The following CREB5 variants were observed in gnomAD, a reference collection of about 807,000 sequenced individuals.
CREB5 encodes cAMP responsive element binding protein 5.
A neutral mutation model predicts 57.1 loss-of-function variants in CREB5; 19 were observed. That is an observed-to-expected ratio of 0.33 (90% CI 0.23 to 0.49). The LOEUF is 0.49. Among genes scored for constraint, CREB5 ranks in the 20% least tolerant of loss-of-function variants. The pLI is 0.99. For synonymous variants in CREB5, 238 were observed against 238.3 expected (o/e 1.00, Z 0.01); for missense variants, 579 against 671.6 (o/e 0.86, Z 1.52).
chr7:28,767,436 C>A (rs1267229609), intron 7 of CREB5, among the ~76,000 whole-genome samples: 3 of 152,144 alleles, frequency 2.0e-5, no homozygotes, highest in Admixed American at 6.5e-5. Context: ...TTTCAGGAAT[C>A]TTCCTATTAG....
intron 5 of CREB5, among the ~76,000 whole-genome samples, chr7:28,713,984 A>G (rs1802542970): frequency 1.3e-5 from 2 of 151,422 alleles, no homozygotes; most frequent in Admixed American, 1.3e-4. Flanking sequence ...TTTTTTGGAG[A>G]TAAGAGTCTC....
At chr7:28,564,030 A>C (rs370789223) in intron 4 of CREB5, among the ~76,000 whole-genome samples, 4 of 152,106 alleles carry the variant, frequency 2.6e-5, no homozygotes, top group Non-Finnish European at 4.4e-5. Context: ...GCTCTTTAAC[A>C]TCTTTTCTAT....
chr7:28,520,696 C>A (rs1793169302), intron 4 of CREB5, among the ~76,000 whole-genome samples: 1 of 152,222 alleles, frequency 6.6e-6, no homozygotes, highest in South Asian at 2.1e-4. Flanking sequence ...AGTTCTAAAT[C>A]TTGGCAGTCT....
At chr7:28,382,514 A>AT (rs1039098694) in intron 1 of CREB5, among the ~76,000 whole-genome samples, 8 of 152,098 alleles carry the variant, frequency 5.3e-5, no homozygotes, top group South Asian at 2.1e-4. Flanking sequence ...ACCATCCTGC[A>AT]TTTTTTTCCG....
At chr7:28,547,233 C>A (rs1794456015) in intron 4 of CREB5, among the ~76,000 whole-genome samples, 1 of 152,142 alleles carries the variant, frequency 6.6e-6, no homozygotes, top group African/African-American at 2.4e-5. Flanking sequence ...AGGTCAATTT[C>A]CAGAATGACC....
At chr7:28,410,184 C>T (rs1213487003), upstream of CREB5, 1 of 448,000 alleles carries the variant, frequency 2.2e-6, no homozygotes, top group South Asian at 1.6e-5. Context: ...AGGTCGCCCT[C>T]GGAGGGCGCT....
chr7:28,519,988 T>A (rs938501893), intron 4 of CREB5, among the ~76,000 whole-genome samples: 1 of 152,210 alleles, frequency 6.6e-6, no homozygotes, highest in African/African-American at 2.4e-5. Flanking sequence ...GAAGGACATG[T>A]GTGTCTCTGA....
chr7:28,542,748 A>G (rs1000515579), intron 4 of CREB5, among the ~76,000 whole-genome samples: 1 of 152,198 alleles, frequency 6.6e-6, no homozygotes, highest in African/African-American at 2.4e-5. Context: ...TGATAACTTC[A>G]TAAACCCTGA....
chr7:28,702,772 T>C (rs1801928133), intron 5 of CREB5, among the ~76,000 whole-genome samples: 1 of 152,146 alleles, frequency 6.6e-6, no homozygotes, highest in African/African-American at 2.4e-5. Context: ...CCCTTTAACT[T>C]TGTGGTTGCT....
At position 28,786,865 on chromosome 7, in the gene CREB5, G is replaced by A. The variant is rs373142608; in HGVS notation, c.703-17334G>A. Among the ~76,000 whole-genome samples, 2 of 152,180 alleles carry A rather than the reference G, an allele frequency of 1.3e-5. 1 individual carries two copies. Among genetic ancestry groups the A allele is most frequent in the South Asian group, 4.1e-4 (2 of 4,836 alleles). The stretch of plus-strand genomic sequence containing the variant: ...CAAAGTCCATGTGCAAATCTACTGA[G>A]TCACTGACAAGAGAATGTCAGGGCT... On this transcript the variant is annotated intron_variant, in intron 7 of 10. Transcript: ENST00000357727.
Position 28,603,893 on chromosome 7 carries a change from C to T in CREB5, c.464+33356C>T, listed in dbSNP as rs894715985. Among the ~76,000 whole-genome samples the T allele has an allele frequency of 3.9e-5, 6 of 152,094 alleles. 1 individual carries two copies. The highest frequency in any genetic ancestry group is 4.4e-5 in the Non-Finnish European group (3 of 68,010). Reference sequence around the variant, plus strand: ...TTGCTGATGTGAGGAGAAATGTGTCCTCAAGGGATCTGTGGCTGAGAGCTG... The same window carrying T: ...TTGCTGATGTGAGGAGAAATGTGTCTTCAAGGGATCTGTGGCTGAGAGCTG... On this transcript the variant is annotated intron_variant, in intron 5 of 10. Coordinates refer to ENST00000357727, the MANE Select transcript of CREB5 (RefSeq NM_182898.4).
At chr7:28,316,187 G>T (rs557200708) in intron 1 of CREB5, among the ~76,000 whole-genome samples, 1 of 152,250 alleles carries the variant, frequency 6.6e-6, no homozygotes, top group Admixed American at 6.5e-5. Flanking sequence ...GCCTTCAAGT[G>T]CTTTCACCCA....
At chr7:28,745,573 G>A (rs904672027) in intron 7 of CREB5, among the ~76,000 whole-genome samples, 4 of 152,300 alleles carry the variant, frequency 2.6e-5, no homozygotes, top group Middle Eastern at 3.4e-3. Flanking sequence ...TTCTGAGAAC[G>A]GAGCAGGCGC....
At chr7:28,452,028 C>T (rs1293539850) in intron 1 of CREB5, among the ~76,000 whole-genome samples, 2 of 152,324 alleles carry the variant, frequency 1.3e-5, no homozygotes, top group Middle Eastern at 3.4e-3. Context: ...AAGGTCCCTG[C>T]CTGGACTCTG....
intron 5 of CREB5, among the ~76,000 whole-genome samples, chr7:28,571,784 A>T (rs760200666): frequency 1.3e-5 from 2 of 152,190 alleles, no homozygotes; most frequent in African/African-American, 2.4e-5. Flanking sequence ...GAAATAAAAG[A>T]TTTAAGAGCA....
At chr7:28,752,071 T>C (rs184204580) in intron 7 of CREB5, among the ~76,000 whole-genome samples, 1 of 152,378 alleles carries the variant, frequency 6.6e-6, no homozygotes, top group East Asian at 1.9e-4. Flanking sequence ...GGGTATATGA[T>C]GATAAATCTT....
intron 5 of CREB5, among the ~76,000 whole-genome samples, chr7:28,638,264 GACACACACACACAC>G (rs56956362): frequency 2.7e-5 from 4 of 145,712 alleles, no homozygotes; most frequent in Non-Finnish European, 6.0e-5. Context: ...AAAGAAACTA[GACACACACACACAC>G]ACACACACAC....
chr7:28,519,746 G>T (rs1793127776), intron 4 of CREB5, among the ~76,000 whole-genome samples: 1 of 152,186 alleles, frequency 6.6e-6, no homozygotes, highest in Non-Finnish European at 1.5e-5. Context: ...CAATGTACTG[G>T]TGTATTTCGC....
At chr7:28,489,006 C>G (rs915018585) in intron 2 of CREB5, among the ~76,000 whole-genome samples, 5 of 152,204 alleles carry the variant, frequency 3.3e-5, no homozygotes, top group African/African-American at 1.2e-4. Context: ...GAGTTTTGCA[C>G]TTTACCTTTG....
Sources: gnomAD v4.1 joint callset for allele counts (sites outside exome capture counted in the v4.1 genomes callset) on GRCh38, gnomAD v4.1.1 for gene constraint, MANE v1.5 for transcripts, NCBI Gene and HGNC (gene_info 2026-07-23, HGNC 2026-07-21) for gene names.